The following TMEM217B variants were observed in gnomAD, a reference collection of about 807,000 sequenced individuals.
TMEM217B encodes the protein transmembrane protein 217B.
the TMEM217B span, chr6:37,258,069 G>GA: frequency 7.1e-7 from 1 of 1,410,164 alleles, no homozygotes; most frequent in Non-Finnish European, 9.6e-7. Context: ...ACAGAGGCCA[G>GA]AAGACTGGTT....
chr6:37,219,058 C>T, the TMEM217B span: 1 of 1,592,998 alleles, frequency 6.3e-7, no homozygotes, highest in Non-Finnish European at 8.6e-7. Context: ...AGACAAACAA[C>T]ATGAGGGAGA....
the TMEM217B span, among the ~76,000 whole-genome samples, chr6:37,248,456 C>T: frequency 5.9e-5 from 9 of 152,194 alleles, no homozygotes; most frequent in African/African-American, 2.2e-4. Context: ...CCTCCCTTCA[C>T]TCACCCAATA....
At chr6:37,245,565 T>C in the TMEM217B span, among the ~76,000 whole-genome samples, 3 of 152,194 alleles carry the variant, frequency 2.0e-5, no homozygotes, top group East Asian at 3.8e-4. Flanking sequence ...GCTATAATAC[T>C]AGGAGGTGGG....
At chr6:37,219,015 A>C in the TMEM217B span, 1 of 1,613,482 alleles carries the variant, frequency 6.2e-7, no homozygotes, top group Non-Finnish European at 8.5e-7. Flanking sequence ...ATCCCACACC[A>C]CTGCTGCTGT....
At chr6:37,212,426 T>G in the TMEM217B span, 3 of 416,350 alleles carry the variant, frequency 7.2e-6, no homozygotes, top group Non-Finnish European at 1.5e-5. Flanking sequence ...CAGTTTAACT[T>G]CCGGTACAAC....
At chr6:37,219,443 C>T in the TMEM217B span, among the ~76,000 whole-genome samples, 2 of 152,102 alleles carry the variant, frequency 1.3e-5, no homozygotes, top group African/African-American at 4.8e-5. Flanking sequence ...AAAAAGATGG[C>T]TTAAATTATG....
chr6:37,216,198 C>T, the TMEM217B span, among the ~76,000 whole-genome samples: 1 of 152,118 alleles, frequency 6.6e-6, no homozygotes, highest in Admixed American at 6.5e-5. Context: ...CCTGCCTCAG[C>T]CTCCCGAGTA....
At chr6:37,250,704 C>T in the TMEM217B span, among the ~76,000 whole-genome samples, 1 of 152,206 alleles carries the variant, frequency 6.6e-6, no homozygotes, top group African/African-American at 2.4e-5. Flanking sequence ...CGTGTGCACG[C>T]ACACACACAC....
chr6:37,252,633 ATATATTTTTTTT>A, the TMEM217B span, among the ~76,000 whole-genome samples: 17 of 75,262 alleles, frequency 2.3e-4, no homozygotes, highest in Admixed American at 4.7e-4. Flanking sequence ...ATATATATAT[ATATATTTTTTTT>A]TTTTTTTTTT....
chr6:37,257,585 C>A, the TMEM217B span: 1 of 378,808 alleles, frequency 2.6e-6, no homozygotes, highest in Non-Finnish European at 4.8e-6. Context: ...TTCCCTCTCG[C>A]GGGTAGGAAC....
chr6:37,252,374 G>C, the TMEM217B span, among the ~76,000 whole-genome samples: 37 of 152,084 alleles, frequency 2.4e-4, no homozygotes, highest in African/African-American at 7.7e-4. Flanking sequence ...AGCTGCAAGA[G>C]AGACCATATG....
the TMEM217B span, among the ~76,000 whole-genome samples, chr6:37,249,662 T>G: frequency 6.6e-6 from 1 of 152,250 alleles, no homozygotes; most frequent in Non-Finnish European, 1.5e-5. Flanking sequence ...CTAAGATTTC[T>G]ACTTTTCTGT....
the TMEM217B span, among the ~76,000 whole-genome samples, chr6:37,248,160 A>G: frequency 6.6e-6 from 1 of 152,142 alleles, no homozygotes; most frequent in Admixed American, 6.5e-5. Context: ...TTCTTAGGAC[A>G]TATTATAGTA....
the TMEM217B span, among the ~76,000 whole-genome samples, chr6:37,230,053 T>C: frequency 6.6e-6 from 1 of 152,246 alleles, no homozygotes; most frequent in Non-Finnish European, 1.5e-5. Flanking sequence ...ACTTCCTTGC[T>C]GGCTGTTAGC....
At chr6:37,257,084 A>C in the TMEM217B span, among the ~76,000 whole-genome samples, 1 of 152,202 alleles carries the variant, frequency 6.6e-6, no homozygotes, top group African/African-American at 2.4e-5. Context: ...CTTCAAAGAA[A>C]TGGTATTTGG....
At chr6:37,224,584 C>A in the TMEM217B span, among the ~76,000 whole-genome samples, 1 of 149,694 alleles carries the variant, frequency 6.7e-6, no homozygotes, top group Non-Finnish European at 1.5e-5. Context: ...GGTGACAGAG[C>A]GAGACTCCTC....
the TMEM217B span, among the ~76,000 whole-genome samples, chr6:37,216,321 C>T: frequency 1.3e-5 from 2 of 152,184 alleles, no homozygotes; most frequent in South Asian, 2.1e-4. Flanking sequence ...TCAAGTGATC[C>T]GCCCGCTTTG....
At chr6:37,246,378 C>T in the TMEM217B span, among the ~76,000 whole-genome samples, 1 of 152,316 alleles carries the variant, frequency 6.6e-6, no homozygotes, top group South Asian at 2.1e-4. Context: ...AGGGCATGCT[C>T]TTCTCATAGT....
the TMEM217B span, among the ~76,000 whole-genome samples, chr6:37,229,344 T>TTTTTG: frequency 7.8e-6 from 1 of 127,730 alleles, no homozygotes; most frequent in African/African-American, 3.1e-5. Context: ...AGTTTTTTTT[T>TTTTTG]TTTTTTTTTT....
Sources: gnomAD v4.1 joint callset for allele counts (sites outside exome capture counted in the v4.1 genomes callset) on GRCh38, gnomAD v4.1.1 for gene constraint, MANE v1.5 for transcripts, NCBI Gene and HGNC (gene_info 2026-07-23, HGNC 2026-07-21) for gene names.